The following SIL1 variants were observed in gnomAD, a reference collection of about 807,000 sequenced individuals.
SIL1 encodes SIL1 nucleotide exchange factor, also known as nucleotide exchange factor SIL1.
A neutral mutation model predicts 49.1 loss-of-function variants in SIL1; 40 were observed. The observed-to-expected ratio is 0.81, with a 90% CI of 0.63 to 1.06. The LOEUF is 1.06. Among genes scored for constraint, SIL1 ranks in the 50% least tolerant of loss-of-function variants. SIL1 has a pLI of 0.00. For synonymous variants in SIL1, 253 were observed against 250.8 expected, an observed-to-expected ratio of 1.01 and a Z score of -0.08; for missense variants, 500 against 572.6, an observed-to-expected ratio of 0.87 and a Z score of 1.29.
At chr5:139,133,931 G>A (rs1750920402) in intron 1 of SIL1, among the ~76,000 whole-genome samples, 1 of 152,174 alleles carries the variant, frequency 6.6e-6, no homozygotes, top group Admixed American at 6.5e-5. Flanking sequence ...GCCAATTCTT[G>A]GCTCTGCCAC....
intron 3 of SIL1, among the ~76,000 whole-genome samples, chr5:139,068,376 G>T (rs1269426784): frequency 2.0e-5 from 3 of 152,142 alleles, no homozygotes; most frequent in Non-Finnish European, 4.4e-5. Flanking sequence ...AGAAGTCTGG[G>T]GTAGGACTTC....
rs948356293 is a variant in SIL1 at position 138,970,041 on chromosome 5, G to A, written c.768-18157C>T. 8.5e-5 allele frequency among the ~76,000 whole-genome samples: 13 copies of A among 152,260 alleles called. 1 individual carries two copies. The highest frequency in any genetic ancestry group is 2.9e-4 in the African/African-American group (12 of 41,468). ...GAGTATGGCCTCTTGTCTGCATCTG[G>A]AAGACAGCAGCCTGAGGTATTCCGA... On this transcript the variant is annotated intron_variant, in intron 7 of 9. Transcript: ENST00000394817.
At chr5:139,012,678 A>G (rs529599535) in intron 7 of SIL1, 1 of 152,294 alleles carries the variant, frequency 6.6e-6, no homozygotes, top group South Asian at 2.1e-4. Context: ...ATGTAAACAT[A>G]TCGTAGAGCT....
intron 1 of SIL1, among the ~76,000 whole-genome samples, chr5:139,165,482 G>T (rs2151812496): frequency 6.6e-6 from 1 of 152,160 alleles, no homozygotes; most frequent in South Asian, 2.1e-4. Context: ...CCGACTAGCT[G>T]GGATTACAGG....
intron 1 of SIL1, among the ~76,000 whole-genome samples, chr5:139,143,239 ATG>A (rs1473002558): frequency 7.7e-6 from 1 of 130,444 alleles, no homozygotes; most frequent in Admixed American, 7.1e-5. Context: ...ATATACATAT[ATG>A]TATATATACA....
intron 7 of SIL1, among the ~76,000 whole-genome samples, chr5:138,983,667 C>G (rs1273621045): frequency 6.6e-6 from 1 of 152,034 alleles, no homozygotes; most frequent in African/African-American, 2.4e-5. Context: ...CCACTCTACC[C>G]TGCCCGGACT....
At position 139,197,268 on chromosome 5, in the gene SIL1, CAAAAAAAA is replaced by C. The variant is rs11363617; in HGVS notation, c.-11+993_-11+1000del. 1.0e-4 allele frequency among the ~76,000 whole-genome samples: 6 copies of C among 58,816 alleles called. No homozygotes were observed. In the South Asian group the frequency reaches 3.6e-3, roughly 36 times the overall value. The allele number at this position is 58,816 out of a possible 152,430, so 38.6% of individuals were successfully genotyped here. Reference sequence around the variant, plus strand: ...GAGAAACAAGAGCGAAACTCCGCCTCAAAAAAAAAAAAAAAAAAAAAAAACTGTTTATA... The same window carrying C: ...GAGAAACAAGAGCGAAACTCCGCCTCAAAAAAAAAAAAAAAACTGTTTATA... On this transcript the variant is annotated intron_variant, in intron 1 of 9. Transcript: ENST00000394817.
intron 7 of SIL1, among the ~76,000 whole-genome samples, chr5:139,010,514 A>G (rs373691665): frequency 6.6e-6 from 1 of 152,118 alleles, no homozygotes; most frequent in Non-Finnish European, 1.5e-5. Context: ...GAGGAGCTGC[A>G]TTCCTTTGGA....
intron 1 of SIL1, among the ~76,000 whole-genome samples, chr5:139,144,957 A>G (rs1751165167): frequency 6.6e-6 from 1 of 152,226 alleles, no homozygotes; most frequent in Non-Finnish European, 1.5e-5. Flanking sequence ...GATTTCTTAA[A>G]TATTACACTA....
At chr5:139,144,163 C>T (rs1011479677) in intron 1 of SIL1, among the ~76,000 whole-genome samples, 1 of 152,006 alleles carries the variant, frequency 6.6e-6, no homozygotes, top group African/African-American at 2.4e-5. Context: ...AATCTTGAAG[C>T]AGGAGAACAA....
intron 7 of SIL1, among the ~76,000 whole-genome samples, chr5:138,972,068 C>T: frequency 6.6e-6 from 1 of 152,168 alleles, no homozygotes; most frequent in East Asian, 1.9e-4. Context: ...AGAGCTGAGA[C>T]ATAGGAGGCC....
At chr5:139,188,547 C>T (rs906787947) in intron 1 of SIL1, among the ~76,000 whole-genome samples, 1 of 152,124 alleles carries the variant, frequency 6.6e-6, no homozygotes. Context: ...GGGCTTTTTC[C>T]TCACTCCCTT....
At chr5:139,011,653 T>C (rs893477856) in intron 7 of SIL1, among the ~76,000 whole-genome samples, 5 of 152,132 alleles carry the variant, frequency 3.3e-5, no homozygotes, top group Non-Finnish European at 7.4e-5. Context: ...TTTTAAAAGT[T>C]TGATTATCTG....
intron 1 of SIL1, among the ~76,000 whole-genome samples, chr5:139,168,957 C>CA (rs1241500802): frequency 0.098 from 9,652 of 98,638 alleles, 782 homozygotes; most frequent in African/African-American, 0.27. Context: ...GACCCTGTCT[C>CA]AAAAAAAAAA....
chr5:139,187,517 T>TAA (rs36105029), intron 1 of SIL1, among the ~76,000 whole-genome samples: 2,677 of 136,032 alleles, frequency 0.02, 63 homozygotes, highest in African/African-American at 0.052. Context: ...GACTCCATCT[T>TAA]AAAAAAAAAA....
intron 7 of SIL1, among the ~76,000 whole-genome samples, chr5:138,979,988 C>A (rs2150398394): frequency 6.6e-6 from 1 of 152,300 alleles, no homozygotes; most frequent in Admixed American, 6.5e-5. Context: ...GGAATGGGGA[C>A]AACTCAGGCA....
intron 5 of SIL1, chr5:139,035,335 TA>T: frequency 3.8e-6 from 2 of 530,326 alleles, no homozygotes; most frequent in Non-Finnish European, 7.4e-6. Context: ...TCACAAGTGA[TA>T]TTTCCACTGT....
intron 3 of SIL1, among the ~76,000 whole-genome samples, chr5:139,096,217 G>A (rs1770461531): frequency 6.6e-6 from 1 of 152,118 alleles, no homozygotes; most frequent in African/African-American, 2.4e-5. Context: ...CTCAGCTGAC[G>A]CCCACCCATG....
chr5:139,049,419 C>T (rs186229540), intron 4 of SIL1, among the ~76,000 whole-genome samples: 17 of 152,290 alleles, frequency 1.1e-4, no homozygotes, highest in African/African-American at 3.4e-4. Flanking sequence ...TTAGGTGATC[C>T]GCCGGCCTCG....
Sources: gnomAD v4.1 joint callset for allele counts (sites outside exome capture counted in the v4.1 genomes callset) on GRCh38, gnomAD v4.1.1 for gene constraint, MANE v1.5 for transcripts, NCBI Gene and HGNC (gene_info 2026-07-23, HGNC 2026-07-21) for gene names.